NAV3: variants seen among roughly 807,000 people sequenced by gnomAD.
NAV3 encodes the protein pore membrane and/or filament interacting like protein 1.
Under a neutral mutation model 244.7 loss-of-function variants are expected in NAV3, and 87 were observed. The ratio of observed to expected loss-of-function variants is 0.36; its 90% CI spans 0.30 to 0.42. The LOEUF is 0.42. NAV3 is among the 20% of genes least tolerant of loss of function. The pLI, the probability that NAV3 is intolerant of heterozygous loss-of-function variation, is 1.00. For synonymous variants in NAV3, 1,126 were observed against 1,042.2 expected (o/e 1.08, Z -1.55); for missense variants, 2,663 against 2,893.3 (o/e 0.92, Z 1.83).
chr12:77,713,818 C>T lies in NAV3; in HGVS notation c.72+141552C>T, dbSNP rs188489798. Among the ~76,000 whole-genome samples the T allele has an allele frequency of 1.7e-3, 253 of 152,088 alleles. 2 individuals are homozygous for T. Among genetic ancestry groups the T allele is most frequent in the Non-Finnish European group, 1.9e-3 (129 of 67,986 alleles). On this transcript the variant is annotated intron_variant, in intron 2 of 8. Coordinates refer to the NAV3 transcript ENST00000550042. ...TAGACACTGTGCATCTGAATCCTAC[C>T]GCTACACTTACCAGTTTCTTGGTTA... is the stretch of plus-strand genomic sequence containing the variant.
At chr12:77,647,201 C>T (rs1441315315) in intron 2 of NAV3, among the ~76,000 whole-genome samples, 1 of 152,040 alleles carries the variant, frequency 6.6e-6, no homozygotes, top group African/African-American at 2.4e-5. Context: ...TAAGTTATGA[C>T]ATATTTATGC....
intron 3 of NAV3, among the ~76,000 whole-genome samples, chr12:77,944,093 G>A (rs969716495): frequency 1.3e-5 from 2 of 152,040 alleles, no homozygotes; most frequent in African/African-American, 4.8e-5. Flanking sequence ...TTACATAGGC[G>A]AGAACAAAAA....
At chr12:77,687,922 CAT>C (rs1874830944) in intron 2 of NAV3, among the ~76,000 whole-genome samples, 2 of 151,942 alleles carry the variant, frequency 1.3e-5, no homozygotes. Flanking sequence ...CAATTTAATC[CAT>C]GTCTTGTTTT....
intron 2 of NAV3, among the ~76,000 whole-genome samples, chr12:77,606,148 TGTCTAATGGAAA>T (rs1313593292): frequency 2.6e-5 from 4 of 152,180 alleles, no homozygotes; most frequent in Non-Finnish European, 4.4e-5. Context: ...TTTTGTGTTT[TGTCTAATGGAAA>T]GTCTTTATCG....
intron 8 of NAV3, among the ~76,000 whole-genome samples, chr12:78,018,304 A>G (rs1028348124): frequency 6.6e-6 from 1 of 152,192 alleles, no homozygotes; most frequent in African/African-American, 2.4e-5. Context: ...ACATTTTTTT[A>G]AAAAGCATGT....
chr12:78,006,048 T>A (rs1395958281), intron 7 of NAV3, among the ~76,000 whole-genome samples: 5 of 152,148 alleles, frequency 3.3e-5, no homozygotes, highest in Non-Finnish European at 7.3e-5. Flanking sequence ...AGGTGGAATA[T>A]CCATTTACTA....
chr12:77,912,099 T>TA (rs1886656976), intron 1 of NAV3, among the ~76,000 whole-genome samples: 1 of 152,140 alleles, frequency 6.6e-6, no homozygotes, highest in Non-Finnish European at 1.5e-5. Context: ...TGGCATATAA[T>TA]ACTGTTTGGG....
At chr12:78,029,069 A>G (rs920864187) in intron 9 of NAV3, among the ~76,000 whole-genome samples, 1 of 152,028 alleles carries the variant, frequency 6.6e-6, no homozygotes, top group Non-Finnish European at 1.5e-5. Flanking sequence ...CCTGCCTGGC[A>G]CAGCCTCTGG....
intron 37 of NAV3, among the ~76,000 whole-genome samples, chr12:78,199,750 A>G (rs1025878292): frequency 6.6e-6 from 1 of 152,072 alleles, no homozygotes; most frequent in African/African-American, 2.4e-5. Context: ...TATTACCGAG[A>G]TCAGATAAGT....
chr12:77,792,318 C>T lies in NAV3; in HGVS notation c.73-148001C>T, dbSNP rs140897840. On this transcript the variant is annotated intron_variant, in intron 2 of 8. Coordinates refer to the NAV3 transcript ENST00000550042. ...TTTATTTTCTGTTTTAACCCACATT[C>T]TGTCAGGTTGGTGGAGAATTAATCC... Among the ~76,000 whole-genome samples the T allele has an allele frequency of 4.6e-3, 697 of 152,300 alleles. 5 individuals carry two copies. Among genetic ancestry groups the T allele is most frequent in the African/African-American group, 0.015 (642 of 41,556 alleles).
At chr12:77,851,142 G>A (rs1417505975) in intron 1 of NAV3, among the ~76,000 whole-genome samples, 1 of 152,196 alleles carries the variant, frequency 6.6e-6, no homozygotes, top group Non-Finnish European at 1.5e-5. Context: ...TATCAAATGA[G>A]AAGTGGGGCA....
intron 3 of NAV3, among the ~76,000 whole-genome samples, chr12:77,958,273 A>G (rs1891555777): frequency 6.6e-6 from 1 of 152,208 alleles, no homozygotes; most frequent in African/African-American, 2.4e-5. Flanking sequence ...GAAATAATTC[A>G]GTGCTCTTTA....
intron 2 of NAV3, among the ~76,000 whole-genome samples, chr12:77,610,024 T>G (rs559529465): frequency 3.9e-5 from 6 of 152,196 alleles, no homozygotes; most frequent in African/African-American, 1.4e-4. Context: ...GAAAATTTAT[T>G]CTTTCCTAGT....
intron 2 of NAV3, among the ~76,000 whole-genome samples, chr12:77,705,802 C>T (rs1454967638): frequency 1.3e-5 from 2 of 151,432 alleles, no homozygotes; most frequent in Non-Finnish European, 2.9e-5. Flanking sequence ...TGAGGTATCA[C>T]TCTCTGTTAT....
chr12:78,076,981 T>C (rs1953083754), intron 12 of NAV3, among the ~76,000 whole-genome samples: 1 of 152,194 alleles, frequency 6.6e-6, no homozygotes, highest in Non-Finnish European at 1.5e-5. Context: ...CTTTGGATTG[T>C]GTCTAAAACA....
At chr12:77,756,209 TTAA>T (rs1484500840) in intron 2 of NAV3, among the ~76,000 whole-genome samples, 2 of 152,204 alleles carry the variant, frequency 1.3e-5, no homozygotes, top group African/African-American at 4.8e-5. Flanking sequence ...AGTATCATTA[TTAA>T]TGTTATCATT....
At chr12:77,816,784 GC>G (rs1364146168) in intron 2 of NAV3, among the ~76,000 whole-genome samples, 2 of 137,350 alleles carry the variant, frequency 1.5e-5, no homozygotes, top group Non-Finnish European at 3.4e-5. Context: ...ATGCAGAAAT[GC>G]AAAAGTTACT....
chr12:78,101,401 T>C (rs1430015495), intron 12 of NAV3, among the ~76,000 whole-genome samples: 1 of 152,190 alleles, frequency 6.6e-6, no homozygotes, highest in Non-Finnish European at 1.5e-5. Context: ...GGTTGCACAG[T>C]AAATGAGCAG....
intron 1 of NAV3, among the ~76,000 whole-genome samples, chr12:77,843,419 GTT>G (rs1491371325): frequency 4.1e-5 from 6 of 146,902 alleles, no homozygotes; most frequent in African/African-American, 1.5e-4. Flanking sequence ...GTGTGTGTGT[GTT>G]TGTGTGTGTA....
Sources: gnomAD v4.1 joint callset for allele counts (sites outside exome capture counted in the v4.1 genomes callset) on GRCh38, gnomAD v4.1.1 for gene constraint, MANE v1.5 for transcripts, NCBI Gene and HGNC (gene_info 2026-07-23, HGNC 2026-07-21) for gene names.